PTPRD: variants seen among roughly 807,000 people sequenced by gnomAD.
PTPRD encodes the protein protein tyrosine phosphatase receptor type D.
In PTPRD, 34 loss-of-function variants were observed where a neutral mutation model predicts 214.5. That is an observed-to-expected ratio of 0.16 (90% CI 0.12 to 0.21). The LOEUF is 0.21. Among genes scored for constraint, PTPRD ranks in the 10% least tolerant of loss-of-function variants. PTPRD has a pLI of 1.00. For synonymous variants in PTPRD, 1,128 were observed against 845.7 expected (o/e 1.33, Z -5.79); for missense variants, 2,545 against 2,398.7 (o/e 1.06, Z -1.27).
chr9:10,347,245 G>C (rs879833023), intron 2 of PTPRD, among the ~76,000 whole-genome samples: 2 of 151,702 alleles, frequency 1.3e-5, no homozygotes, highest in African/African-American at 4.8e-5. Flanking sequence ...AGCATATTTT[G>C]TTTTTCCTCC....
intron 2 of PTPRD, among the ~76,000 whole-genome samples, chr9:10,505,311 G>A (rs1400825461): frequency 6.6e-6 from 1 of 152,128 alleles, no homozygotes; most frequent in African/African-American, 2.4e-5. Flanking sequence ...TAAAGTTTAG[G>A]TCTCATTATA....
chr9:9,725,782 A>G (rs1401362530), intron 7 of PTPRD, among the ~76,000 whole-genome samples: 1 of 152,192 alleles, frequency 6.6e-6, no homozygotes, highest in Non-Finnish European at 1.5e-5. Context: ...ACAAATTATT[A>G]TACTTTGGGG....
intron 27 of PTPRD, among the ~76,000 whole-genome samples, chr9:8,489,003 C>T (rs996556841): frequency 5.9e-5 from 9 of 152,080 alleles, no homozygotes; most frequent in African/African-American, 1.7e-4. Flanking sequence ...ATCCTGTTTC[C>T]GTGAGATGCA....
intron 9 of PTPRD, among the ~76,000 whole-genome samples, chr9:9,254,120 A>G (rs1418790705): frequency 6.6e-6 from 1 of 152,084 alleles, no homozygotes; most frequent in Non-Finnish European, 1.5e-5. Flanking sequence ...AATTAATTAC[A>G]TCTTCTAAGC....
At chr9:9,419,128 T>TACATACACACACAC (rs150709902) in intron 8 of PTPRD, among the ~76,000 whole-genome samples, 1 of 139,900 alleles carries the variant, frequency 7.1e-6, no homozygotes, top group African/African-American at 2.6e-5. Flanking sequence ...AGGCCCCTTA[T>TACATACACACACAC]ACACACACAC....
intron 8 of PTPRD, among the ~76,000 whole-genome samples, chr9:9,413,358 C>T (rs2076098459): frequency 6.6e-6 from 1 of 151,496 alleles, no homozygotes; most frequent in South Asian, 2.1e-4. Flanking sequence ...TCATGATCCA[C>T]CCGCCTCGGC....
intron 7 of PTPRD, among the ~76,000 whole-genome samples, chr9:9,586,211 C>G (rs955333245): frequency 3.9e-5 from 6 of 151,944 alleles, no homozygotes; most frequent in African/African-American, 1.4e-4. Flanking sequence ...CTTCCAATTA[C>G]AGGGCCATCC....
chr9:9,483,921 G>A (rs1448673012), intron 8 of PTPRD, among the ~76,000 whole-genome samples: 1 of 151,106 alleles, frequency 6.6e-6, no homozygotes, highest in Non-Finnish European at 1.5e-5. Context: ...TCACGTTTAT[G>A]TTATATTATA....
At chr9:9,036,221 A>AC (rs1373368435) in intron 10 of PTPRD, among the ~76,000 whole-genome samples, 2 of 151,952 alleles carry the variant, frequency 1.3e-5, no homozygotes, top group African/African-American at 2.4e-5. Context: ...AAAAAAAAAA[A>AC]AAACTTGGCA....
chr9:8,909,037 A>G (rs982098353), intron 11 of PTPRD, among the ~76,000 whole-genome samples: 1 of 151,502 alleles, frequency 6.6e-6, no homozygotes, highest in African/African-American at 2.4e-5. Context: ...AACTTAGATG[A>G]AAAAGACAAA....
intron 9 of PTPRD, among the ~76,000 whole-genome samples, chr9:9,304,443 T>G (rs943898740): frequency 3.3e-5 from 5 of 152,062 alleles, no homozygotes; most frequent in African/African-American, 1.2e-4. Context: ...TTTTATTCTC[T>G]GCTTTTCCTA....
intron 2 of PTPRD, among the ~76,000 whole-genome samples, chr9:10,569,182 A>T (rs929791253): frequency 6.6e-6 from 1 of 152,174 alleles, no homozygotes; most frequent in African/African-American, 2.4e-5. Context: ...GCTCATCATC[A>T]CTGGCCATCA....
intron 7 of PTPRD, among the ~76,000 whole-genome samples, chr9:9,639,147 A>T (rs1196143884): frequency 6.6e-6 from 1 of 152,194 alleles, no homozygotes; most frequent in Admixed American, 6.5e-5. Context: ...ATAATTATTA[A>T]ATCACTTTGA....
intron 2 of PTPRD, among the ~76,000 whole-genome samples, chr9:10,542,182 T>C (rs1330074860): frequency 6.6e-6 from 1 of 152,122 alleles, no homozygotes; most frequent in African/African-American, 2.4e-5. Context: ...TTTTACTTAA[T>C]AAACACAGCT....
intron 14 of PTPRD, among the ~76,000 whole-genome samples, chr9:8,571,402 A>G (rs1049876081): frequency 1.3e-5 from 2 of 152,154 alleles, no homozygotes; most frequent in African/African-American, 4.8e-5. Context: ...AATTTAAAAT[A>G]ATAACAAAAA....
At chr9:10,324,799 G>A (rs187797991) in intron 3 of PTPRD, among the ~76,000 whole-genome samples, 1 of 151,960 alleles carries the variant, frequency 6.6e-6, no homozygotes, top group Non-Finnish European at 1.5e-5. Flanking sequence ...TATCAATAAT[G>A]ATACCTCACT....
At chr9:9,238,171 C>A (rs12336879) in intron 9 of PTPRD, among the ~76,000 whole-genome samples, 2 of 151,710 alleles carry the variant, frequency 1.3e-5, no homozygotes, top group African/African-American at 4.8e-5. Flanking sequence ...CTTTGGGAGG[C>A]CTCTGTCTTC....
At chr9:10,100,984 G>T (rs139995014) in intron 3 of PTPRD, among the ~76,000 whole-genome samples, 12 of 151,758 alleles carry the variant, frequency 7.9e-5, no homozygotes, top group South Asian at 2.1e-4. Flanking sequence ...TCCTTAGGAT[G>T]GGCTTTTCAA....
At chr9:10,058,802 G>GT (rs899588623) in intron 3 of PTPRD, among the ~76,000 whole-genome samples, 9 of 151,990 alleles carry the variant, frequency 5.9e-5, no homozygotes, top group Non-Finnish European at 1.3e-4. Flanking sequence ...AGGCACCATT[G>GT]TTTTTTTCCA....
Sources: allele counts gnomAD v4.1 joint callset (sites outside exome capture counted in the v4.1 genomes callset), GRCh38; gene constraint gnomAD v4.1.1; transcripts MANE v1.5; gene names NCBI Gene and HGNC (gene_info 2026-07-23, HGNC 2026-07-21).